Variants in BLTP1 observed in about 807,000 individuals in gnomAD.
BLTP1 encodes the protein fragile site-associated protein.
At chr4:122,230,991 T>C in the BLTP1 span, among the ~76,000 whole-genome samples, 1 of 152,162 alleles carries the variant, frequency 6.6e-6, no homozygotes, top group African/African-American at 2.4e-5. Flanking sequence ...AAACATTTTA[T>C]AAAGATCCTT....
chr4:122,345,920 C>G, the BLTP1 span: 1 of 594,792 alleles, frequency 1.7e-6, no homozygotes, highest in Non-Finnish European at 2.1e-6. Context: ...ATGCCTCAAA[C>G]TTTTAGCTTA....
the BLTP1 span, chr4:122,304,621 G>T: frequency 1.4e-6 from 1 of 727,348 alleles, no homozygotes; most frequent in Non-Finnish European, 1.7e-6. Flanking sequence ...AAAAAAATTT[G>T]TGTGACCCAC....
At chr4:122,359,656 T>G in the BLTP1 span, 1 of 1,612,874 alleles carries the variant, frequency 6.2e-7, no homozygotes, top group African/African-American at 1.3e-5. Flanking sequence ...GAAGATAGCA[T>G]CACTTATACT....
the BLTP1 span, among the ~76,000 whole-genome samples, chr4:122,326,793 T>C: frequency 6.6e-6 from 1 of 151,764 alleles, no homozygotes; most frequent in South Asian, 2.1e-4. Flanking sequence ...AATTAAAGCA[T>C]GGTTAAATAT....
the BLTP1 span, chr4:122,362,139 A>G: frequency 6.2e-7 from 1 of 1,613,690 alleles, no homozygotes. Flanking sequence ...GGCTTCAAAG[A>G]GGAGTCATGG....
chr4:122,255,776 G>A, the BLTP1 span, among the ~76,000 whole-genome samples: 1 of 152,220 alleles, frequency 6.6e-6, no homozygotes. Context: ...GGAATGCTAT[G>A]TTGGGTAAGA....
chr4:122,270,778 A>G, the BLTP1 span, among the ~76,000 whole-genome samples: 1 of 152,090 alleles, frequency 6.6e-6, no homozygotes, highest in African/African-American at 2.4e-5. Flanking sequence ...TTAACATAAG[A>G]AGACTGATTT....
At chr4:122,362,279 TTG>T in the BLTP1 span, 1 of 1,556,256 alleles carries the variant, frequency 6.4e-7, no homozygotes, top group South Asian at 1.1e-5. Context: ...CAAATTATGA[TTG>T]TGTCTGTTTT....
chr4:122,249,560 A>G, the BLTP1 span: 2 of 1,613,758 alleles, frequency 1.2e-6, no homozygotes, highest in Non-Finnish European at 8.5e-7. Flanking sequence ...GAGTTGGATG[A>G]ATTTACTTTT....
the BLTP1 span, chr4:122,346,908 C>T: frequency 1.5e-6 from 2 of 1,372,290 alleles, no homozygotes; most frequent in East Asian, 4.9e-5. Flanking sequence ...AATATGCCAA[C>T]CACAAGGGAT....
At chr4:122,268,602 A>G in the BLTP1 span, among the ~76,000 whole-genome samples, 1 of 152,140 alleles carries the variant, frequency 6.6e-6, no homozygotes, top group African/African-American at 2.4e-5. Context: ...CAACATTTCC[A>G]TGGTCAGCTG....
At chr4:122,319,210 T>C in the BLTP1 span, among the ~76,000 whole-genome samples, 1 of 152,048 alleles carries the variant, frequency 6.6e-6, no homozygotes, top group Non-Finnish European at 1.5e-5. Flanking sequence ...TGATTTCCTG[T>C]TTGTTTTATT....
At chr4:122,338,368 G>A in the BLTP1 span, among the ~76,000 whole-genome samples, 1 of 152,108 alleles carries the variant, frequency 6.6e-6, no homozygotes, top group South Asian at 2.1e-4. Flanking sequence ...AGCAACTTGG[G>A]AGGCTGAGAT....
chr4:122,258,251 A>G, the BLTP1 span, among the ~76,000 whole-genome samples: 1 of 152,198 alleles, frequency 6.6e-6, no homozygotes, highest in African/African-American at 2.4e-5. Flanking sequence ...GAGATTTTAG[A>G]ACATTGATAT....
the BLTP1 span, chr4:122,306,484 A>G: frequency 2.7e-6 from 2 of 739,742 alleles, no homozygotes; most frequent in South Asian, 6.2e-5. Context: ...CAGTGGAGTC[A>G]GAGATGTGTT....
chr4:122,180,111 G>A, the BLTP1 span: 1 of 984,870 alleles, frequency 1.0e-6, no homozygotes, highest in African/African-American at 1.8e-5. Context: ...GAGAATGGCT[G>A]CATTGGATTC....
At chr4:122,183,650 G>A in the BLTP1 span, 1 of 362,730 alleles carries the variant, frequency 2.8e-6, no homozygotes, top group Non-Finnish European at 3.8e-6. Flanking sequence ...ACAATCACAG[G>A]AATTTCTTTC....
the BLTP1 span, chr4:122,292,992 A>T: frequency 1.3e-6 from 1 of 772,020 alleles, no homozygotes; most frequent in Non-Finnish European, 1.6e-6. Context: ...TACTTAGTCT[A>T]GTCTCCCTTA....
At chr4:122,326,264 GAATTA>G in the BLTP1 span, among the ~76,000 whole-genome samples, 1 of 151,600 alleles carries the variant, frequency 6.6e-6, no homozygotes, top group African/African-American at 2.4e-5. Context: ...GTTCAAACTA[GAATTA>G]AATTTAATTC....
Sources: allele counts gnomAD v4.1 joint callset (sites outside exome capture counted in the v4.1 genomes callset), GRCh38; gene constraint gnomAD v4.1.1; transcripts MANE v1.5; gene names NCBI Gene and HGNC (gene_info 2026-07-23, HGNC 2026-07-21).